Variants in CNTN4 observed in about 807,000 individuals in gnomAD.
CNTN4 encodes the protein contactin-4.
CNTN4 carries 77 observed loss-of-function variants against 122.5 expected under a neutral mutation model. The ratio of observed to expected loss-of-function variants is 0.63; its 90% CI spans 0.52 to 0.76. The LOEUF (loss-of-function observed/expected upper bound fraction) is 0.76, where lower values mean the gene tolerates loss of function less well. Ranked by LOEUF, CNTN4 falls within the 30% of genes least tolerant of loss-of-function variation. The pLI is 0.00. For synonymous variants in CNTN4, 512 were observed against 447.0 expected, an observed-to-expected ratio of 1.15 and a Z score of -1.83; for missense variants, 1,256 against 1,259.1, an observed-to-expected ratio of 1.00 and a Z score of 0.04.
chr3:3,034,620 G>A lies in CNTN4; in HGVS notation c.1784-12G>A, dbSNP rs768435536. 1.2e-6 allele frequency: 2 copies of A among 1,613,978 alleles called. No homozygotes were observed. Among genetic ancestry groups the A allele is most frequent in the South Asian group, 2.2e-5 (2 of 91,060 alleles). The stretch of plus-strand genomic sequence containing the variant: ...ACACTGCTCCAATTCTGGGGGTCTT[G>A]CTCTTTCCCAGGTCCTCCAGGTCCC... On this transcript the variant is annotated splice_polypyrimidine_tract_variant and intron_variant, in intron 16 of 24. Transcript: ENST00000418658.
chr3:2,183,810 A>G (rs1204636384), intron 2 of CNTN4, among the ~76,000 whole-genome samples: 1 of 152,186 alleles, frequency 6.6e-6, no homozygotes, highest in East Asian at 1.9e-4. Context: ...AGCTACTAAG[A>G]TGCCATAAGT....
intron 12 of CNTN4, among the ~76,000 whole-genome samples, chr3:2,919,568 T>C (rs1366314507): frequency 1.3e-5 from 2 of 152,190 alleles, no homozygotes; most frequent in African/African-American, 4.8e-5. Context: ...ACTGAAATTC[T>C]AGGGTTCTCA....
intron 3 of CNTN4, among the ~76,000 whole-genome samples, chr3:2,512,822 C>T (rs558979139): frequency 7.9e-5 from 12 of 152,246 alleles, no homozygotes; most frequent in Admixed American, 1.3e-4. Context: ...GTGGGAAATA[C>T]AGTTTCCCTG....
chr3:2,520,787 A>G (rs1459188777), intron 3 of CNTN4, among the ~76,000 whole-genome samples: 2 of 152,112 alleles, frequency 1.3e-5, no homozygotes, highest in Admixed American at 6.6e-5. Flanking sequence ...GTTTAAGCAC[A>G]GTCATTTTTC....
At chr3:2,456,457 C>T (rs1477263863) in intron 3 of CNTN4, among the ~76,000 whole-genome samples, 1 of 152,098 alleles carries the variant, frequency 6.6e-6, no homozygotes, top group Middle Eastern at 3.2e-3. Flanking sequence ...TCTATTAGTC[C>T]TAAAATATTT....
intron 4 of CNTN4, among the ~76,000 whole-genome samples, chr3:2,722,427 C>T (rs557310119): frequency 6.6e-6 from 1 of 152,222 alleles, no homozygotes; most frequent in Non-Finnish European, 1.5e-5. Flanking sequence ...CTCAAGCAAG[C>T]AGATGCTTTT....
intron 3 of CNTN4, among the ~76,000 whole-genome samples, chr3:2,430,082 C>G (rs1010569811): frequency 2.0e-5 from 3 of 152,098 alleles, no homozygotes; most frequent in African/African-American, 7.2e-5. Context: ...TGTCCTGTAC[C>G]CGCTGTCCGA....
intron 3 of CNTN4, among the ~76,000 whole-genome samples, chr3:2,365,430 G>A (rs188283513): frequency 7.9e-5 from 12 of 152,152 alleles, no homozygotes; most frequent in Admixed American, 3.9e-4. Context: ...TACTTTCCAG[G>A]CCCAGTCAAA....
chr3:2,404,867 G>A (rs1264330234), intron 3 of CNTN4, among the ~76,000 whole-genome samples: 1 of 152,066 alleles, frequency 6.6e-6, no homozygotes, highest in Non-Finnish European at 1.5e-5. Context: ...TGTACTAGGT[G>A]CTTTCAACTT....
chr3:2,196,944 C>CCT (rs1238782820), intron 2 of CNTN4, among the ~76,000 whole-genome samples: 1 of 150,524 alleles, frequency 6.6e-6, no homozygotes, highest in African/African-American at 2.4e-5. Flanking sequence ...CTCAGGAAGG[C>CCT]TAAGGCAGGA....
At chr3:2,838,965 AC>A (rs1384637160) in intron 7 of CNTN4, among the ~76,000 whole-genome samples, 2 of 152,166 alleles carry the variant, frequency 1.3e-5, no homozygotes, top group Non-Finnish European at 2.9e-5. Context: ...GTTCATGAAA[AC>A]TAAAGCAGGT....
chr3:2,505,269 G>C (rs2076702559), intron 3 of CNTN4, among the ~76,000 whole-genome samples: 1 of 152,120 alleles, frequency 6.6e-6, no homozygotes, highest in Admixed American at 6.5e-5. Context: ...GAAGATCGGA[G>C]GCAGAGAGTA....
intron 6 of CNTN4, among the ~76,000 whole-genome samples, chr3:2,747,982 C>G (rs2089887238): frequency 6.6e-6 from 1 of 152,236 alleles, no homozygotes. Context: ...AAGATATGAT[C>G]ATGTCCCTTG....
At chr3:2,191,983 G>A (rs927478428) in intron 2 of CNTN4, among the ~76,000 whole-genome samples, 2 of 151,622 alleles carry the variant, frequency 1.3e-5, no homozygotes, top group Non-Finnish European at 2.9e-5. Flanking sequence ...TGCGGTGTTT[G>A]GTTTTTTGTC....
Position 2,803,381 on chromosome 3 carries a change from T to A in CNTN4, c.359-16105T>A, listed in dbSNP as rs546100693. ...TGTAAATATCTTGTGAACTTATAAATCTAAACTTGTATTTTCCACTCTTAA... is the reference window on the plus strand; with the variant it reads ...TGTAAATATCTTGTGAACTTATAAAACTAAACTTGTATTTTCCACTCTTAA... On this transcript the variant is annotated intron_variant, in intron 6 of 24. Transcript: ENST00000418658. Among the ~76,000 whole-genome samples, 5 of 152,306 alleles carry A rather than the reference T, an allele frequency of 3.3e-5. No individual in the cohort carries two copies. The East Asian group carries it at 9.6e-4, about 29-fold the overall frequency.
intron 10 of CNTN4, among the ~76,000 whole-genome samples, chr3:2,897,335 T>C (rs1289626412): frequency 6.6e-6 from 1 of 152,188 alleles, no homozygotes; most frequent in Non-Finnish European, 1.5e-5. Context: ...GAAGAATTCT[T>C]TTGTTTCAAA....
chr3:2,367,921 T>A (rs959292914), intron 3 of CNTN4, among the ~76,000 whole-genome samples: 14 of 152,182 alleles, frequency 9.2e-5, no homozygotes, highest in Non-Finnish European at 2.1e-4. Context: ...GTAAGTACTA[T>A]TATTTTTCTC....
At chr3:2,508,041 C>T (rs1024243164) in intron 3 of CNTN4, among the ~76,000 whole-genome samples, 9 of 152,110 alleles carry the variant, frequency 5.9e-5, no homozygotes, top group African/African-American at 1.7e-4. Context: ...GCTATTTTCT[C>T]CACAGACTGT....
chr3:2,680,594 T>C (rs2085113395), intron 4 of CNTN4, among the ~76,000 whole-genome samples: 1 of 152,214 alleles, frequency 6.6e-6, no homozygotes, highest in African/African-American at 2.4e-5. Flanking sequence ...TCTCACAGCA[T>C]ATTTGACAAA....
Sources: gnomAD v4.1 joint callset for allele counts (sites outside exome capture counted in the v4.1 genomes callset) on GRCh38, gnomAD v4.1.1 for gene constraint, MANE v1.5 for transcripts, NCBI Gene and HGNC (gene_info 2026-07-23, HGNC 2026-07-21) for gene names.